NREP: variants seen among roughly 807,000 people sequenced by gnomAD.
NREP encodes the protein neuronal regeneration related protein.
A neutral mutation model predicts 8.6 loss-of-function variants in NREP; 5 were observed. That is an observed-to-expected ratio of 0.58 (90% CI 0.30 to 1.22). The LOEUF (loss-of-function observed/expected upper bound fraction) is 1.22. NREP is among the 50% of genes most tolerant of loss of function. The pLI is 0.07. For synonymous variants in NREP, 27 were observed against 28.0 expected (o/e 0.96, Z 0.11); for missense variants, 86 against 82.5 (o/e 1.04, Z -0.17).
At chr5:111,917,514 A>G (rs747347968) in intron 2 of NREP, among the ~76,000 whole-genome samples, 3 of 152,134 alleles carry the variant, frequency 2.0e-5, no homozygotes, top group African/African-American at 7.2e-5. Flanking sequence ...ATCCACCACA[A>G]TCAAGTCAGC....
At chr5:111,971,133 T>C (rs1756805175) in intron 2 of NREP, among the ~76,000 whole-genome samples, 1 of 152,196 alleles carries the variant, frequency 6.6e-6, no homozygotes, top group Admixed American at 6.5e-5. Flanking sequence ...AAACAATCTC[T>C]AAAGGATTCA....
intron 2 of NREP, chr5:111,948,874 A>C (rs907944872): frequency 3.3e-5 from 5 of 152,062 alleles, no homozygotes; most frequent in Non-Finnish European, 7.4e-5. Context: ...CAAGAAAGTC[A>C]CCTAACTTGA....
intron 2 of NREP, among the ~76,000 whole-genome samples, chr5:111,748,958 T>C (rs559525664): frequency 2.0e-5 from 3 of 152,254 alleles, no homozygotes; most frequent in South Asian, 2.1e-4. Context: ...GAATGTACTA[T>C]GGTGTTTCAT....
chr5:111,832,860 G>A (rs976397238), intron 2 of NREP, among the ~76,000 whole-genome samples: 2 of 152,088 alleles, frequency 1.3e-5, no homozygotes, highest in Admixed American at 6.6e-5. Context: ...TTGAACAAAC[G>A]GGGCAAGTTG....
chr5:111,826,133 T>C (rs1264968755), intron 2 of NREP, among the ~76,000 whole-genome samples: 1 of 152,082 alleles, frequency 6.6e-6, no homozygotes, highest in Non-Finnish European at 1.5e-5. Flanking sequence ...TGGAGAACTT[T>C]TATGTCTAGC....
At chr5:111,967,990 C>T (rs913206314) in intron 2 of NREP, among the ~76,000 whole-genome samples, 4 of 152,108 alleles carry the variant, frequency 2.6e-5, no homozygotes, top group Non-Finnish European at 4.4e-5. Context: ...CACTCTAATA[C>T]AAATTTAAAT....
At chr5:111,742,050 C>T (rs1376122015) in intron 2 of NREP, among the ~76,000 whole-genome samples, 1 of 152,110 alleles carries the variant, frequency 6.6e-6, no homozygotes, top group African/African-American at 2.4e-5. Flanking sequence ...TTGGGGGAGA[C>T]AACTGTGTTT....
intron 2 of NREP, among the ~76,000 whole-genome samples, chr5:111,930,415 T>C (rs1755504895): frequency 6.6e-6 from 1 of 152,198 alleles, no homozygotes; most frequent in South Asian, 2.1e-4. Flanking sequence ...CTTTCCCTTC[T>C]ATCAACACTG....
rs937679583 is a variant in NREP, at chr5:111,828,635, T to A, written c.136-93128A>T. ...TTGCTTTGGAAATAAAAAAAATGAC[T>A]ATGTAATACAAAATCATTAATATTA... On this transcript the variant is annotated intron_variant, in intron 2 of 3. Transcript: ENST00000395634. Among the ~76,000 whole-genome samples, 3 of 152,220 alleles carry A rather than the reference T, an allele frequency of 2.0e-5. No homozygotes were observed. In the East Asian group the frequency reaches 5.8e-4, roughly 29 times the overall value.
chr5:111,803,986 A>C (rs1469127424), intron 2 of NREP, among the ~76,000 whole-genome samples: 6 of 152,164 alleles, frequency 3.9e-5, no homozygotes, highest in African/African-American at 1.2e-4. Flanking sequence ...CAACCCCAAT[A>C]CAACTAGTAG....
chr5:111,748,091 C>T (rs3797732), intron 2 of NREP, among the ~76,000 whole-genome samples: 1 of 151,990 alleles, frequency 6.6e-6, no homozygotes, highest in Admixed American at 6.6e-5. Flanking sequence ...AAGATGTGTG[C>T]CACTACCCTA....
chr5:111,871,053 C>CGTGTGTGTGTGT (rs34667486), intron 2 of NREP, among the ~76,000 whole-genome samples: 2,683 of 142,648 alleles, frequency 0.019, 72 homozygotes, highest in African/African-American at 0.046. Flanking sequence ...GAACCAATGG[C>CGTGTGTGTGTGT]GTGTGTGTGT....
chr5:111,878,954 G>C (rs1039097970), intron 2 of NREP, among the ~76,000 whole-genome samples: 1 of 152,150 alleles, frequency 6.6e-6, no homozygotes, highest in Admixed American at 6.5e-5. Context: ...ATATAGTTTG[G>C]ATGTTTTGTC....
chr5:111,954,527 T>C (rs1361617169), intron 2 of NREP, among the ~76,000 whole-genome samples: 5 of 152,160 alleles, frequency 3.3e-5, no homozygotes, highest in East Asian at 1.9e-4. Context: ...TTTGATACCA[T>C]TGAAGTAACT....
At chr5:111,853,249 A>T (rs1159453458) in intron 2 of NREP, among the ~76,000 whole-genome samples, 1 of 152,146 alleles carries the variant, frequency 6.6e-6, no homozygotes, top group Admixed American at 6.6e-5. Flanking sequence ...GGAAGCAGGG[A>T]TGAATAGGTG....
At chr5:111,924,702 C>T (rs1755336691) in intron 2 of NREP, among the ~76,000 whole-genome samples, 1 of 152,120 alleles carries the variant, frequency 6.6e-6, no homozygotes. Flanking sequence ...TAATAATGAC[C>T]TCTGGCCCTT....
In NREP at chr5:111,907,540, C is replaced by T. The variant is rs182585710; in HGVS notation, c.135+67734G>A. Among the ~76,000 whole-genome samples, 195 of 152,154 alleles carry T rather than the reference C, an allele frequency of 1.3e-3. 2 individuals carry two copies. Among genetic ancestry groups the T allele is most frequent in the South Asian group, 4.4e-3 (21 of 4,826 alleles). ...CTCTTTTCTGCTCCATTAGCCTACT[C>T]GTCTATTCCTTTGCCAATACCATAT... On this transcript the variant is annotated intron_variant, in intron 2 of 3. Coordinates refer to the NREP transcript ENST00000395634.
intron 3 of NREP, chr5:111,734,876 A>G (rs1387416066): frequency 2.3e-6 from 1 of 441,136 alleles, no homozygotes; most frequent in Non-Finnish European, 4.0e-6. Flanking sequence ...TGTTTCAGAA[A>G]TTATGCTAAA....
intron 2 of NREP, among the ~76,000 whole-genome samples, chr5:111,859,162 G>C (rs906667372): frequency 6.6e-6 from 1 of 152,030 alleles, no homozygotes; most frequent in Non-Finnish European, 1.5e-5. Context: ...TCAAATTATA[G>C]CTTACACAGC....
Sources: gnomAD v4.1 joint callset for allele counts (sites outside exome capture counted in the v4.1 genomes callset) on GRCh38, gnomAD v4.1.1 for gene constraint, MANE v1.5 for transcripts, NCBI Gene and HGNC (gene_info 2026-07-23, HGNC 2026-07-21) for gene names.